The following SDK2 variants were observed in gnomAD, a reference collection of about 807,000 sequenced individuals.
The protein encoded by SDK2 is protein sidekick-2.
A neutral mutation model predicts 253.9 loss-of-function variants in SDK2; 105 were observed. That is an observed-to-expected ratio of 0.41 (90% CI 0.35 to 0.49). The LOEUF (loss-of-function observed/expected upper bound fraction) is 0.49. Among genes scored for constraint, SDK2 ranks in the 20% least tolerant of loss-of-function variants. The pLI is 0.06. For synonymous variants in SDK2, 1,249 were observed against 1,234.9 expected (o/e 1.01, Z -0.24); for missense variants, 2,608 against 3,003.0 (o/e 0.87, Z 3.07).
rs75869199 is a variant in SDK2 at position 73,631,225 on chromosome 17, C to T, written c.64+12800G>A. On this transcript the variant is annotated intron_variant, in intron 1 of 44. Coordinates refer to ENST00000392650, the MANE Select transcript of SDK2 (RefSeq NM_001144952.2). ...AGCCCAGCTAATGAGGAACTCCCCT[C>T]GGCCCTCCTTGGCAGCCCAGGCCCC... is the stretch of plus-strand genomic sequence containing the variant. 8.2e-3 allele frequency among the ~76,000 whole-genome samples: 1,245 copies of T among 152,330 alleles called. 22 individuals are homozygous for T. The highest frequency in any genetic ancestry group is 0.028 in the African/African-American group (1,174 of 41,572).
chr17:73,537,343 C>T (rs1239080187), intron 1 of SDK2, among the ~76,000 whole-genome samples: 3 of 152,208 alleles, frequency 2.0e-5, no homozygotes, highest in South Asian at 4.2e-4. Context: ...CTGCCGATTT[C>T]GCTTTGGGGC....
Position 73,541,056 on chromosome 17 carries a change from C to T in SDK2, c.65-33459G>A, listed in dbSNP as rs946698921. On this transcript the variant is annotated intron_variant, in intron 1 of 44. Coordinates refer to ENST00000392650, the MANE Select transcript of SDK2 (RefSeq NM_001144952.2). This position sits in a 1 kb window ranked among gnomAD's most constrained non-coding sequence, Gnocchi z 4.3. ...AGCTGCCAATGGTAAGCTGCTAGGCCCCCTGAGAGTAGGTGTCTGCCAGTG... is the reference window on the plus strand; with the variant it reads ...AGCTGCCAATGGTAAGCTGCTAGGCTCCCTGAGAGTAGGTGTCTGCCAGTG... 3.9e-5 allele frequency among the ~76,000 whole-genome samples: 6 copies of T among 152,210 alleles called. No homozygotes were observed. The highest frequency in any genetic ancestry group is 1.4e-4 in the African/African-American group (6 of 41,452).
rs191915090 is a variant in SDK2 at position 73,443,837 on chromosome 17, G to A, written c.614-2914C>T. On this transcript the variant is annotated intron_variant, in intron 5 of 44. Coordinates refer to ENST00000392650, the MANE Select transcript of SDK2 (RefSeq NM_001144952.2). The surrounding 1 kb of genome is among the most constrained non-coding windows in gnomAD (Gnocchi z 4.6). ...ATGAAAGTCACTACCTCTCAGGGTT[G>A]TATGAATTCAGGCCCCAGCTCAACA... 4.3e-4 allele frequency among the ~76,000 whole-genome samples: 65 copies of A among 152,282 alleles called. No homozygotes were observed. The highest frequency in any genetic ancestry group is 1.4e-3 in the African/African-American group (58 of 41,548).
intron 1 of SDK2, among the ~76,000 whole-genome samples, chr17:73,607,368 C>T (rs790097): frequency 0.2 from 29,776 of 152,106 alleles, 4,728 homozygotes; most frequent in African/African-American, 0.45. Context: ...GAGGCCCACA[C>T]GCACTCATTT....
At chr17:73,345,156 T>C (rs2062472015) in intron 44 of SDK2, among the ~76,000 whole-genome samples, 1 of 152,084 alleles carries the variant, frequency 6.6e-6, no homozygotes. Flanking sequence ...CCGTCTTTAC[T>C]AAAAATACAA....
At chr17:73,571,070 G>T (rs1323579232) in intron 1 of SDK2, among the ~76,000 whole-genome samples, 19 of 147,046 alleles carry the variant, frequency 1.3e-4, no homozygotes, top group Non-Finnish European at 1.5e-5. Context: ...GGTGGCTCGG[G>T]TTTTTTTTTT....
At chr17:73,375,761 T>C (rs1257887432) in intron 36 of SDK2, among the ~76,000 whole-genome samples, 6 of 144,090 alleles carry the variant, frequency 4.2e-5, no homozygotes, top group Admixed American at 3.5e-4. Flanking sequence ...GAGGCTGAGG[T>C]GGGAGAATCA....
At chr17:73,605,719 A>G (rs2045898845) in intron 1 of SDK2, among the ~76,000 whole-genome samples, 1 of 151,868 alleles carries the variant, frequency 6.6e-6, no homozygotes, top group Admixed American at 6.6e-5. Flanking sequence ...TGGCACCGGG[A>G]TGACCTGTTT....
At chr17:73,509,501 C>A (rs1363913956) in intron 1 of SDK2, among the ~76,000 whole-genome samples, 4 of 151,680 alleles carry the variant, frequency 2.6e-5, no homozygotes, top group Non-Finnish European at 5.9e-5. Flanking sequence ...AGAAATGGAA[C>A]AAACCAGGCT....
At chr17:73,628,144 G>T (rs2046226078) in intron 1 of SDK2, among the ~76,000 whole-genome samples, 1 of 152,254 alleles carries the variant, frequency 6.6e-6, no homozygotes, top group African/African-American at 2.4e-5. Context: ...TCTGGCCAAG[G>T]TCATTTAGCC....
intron 44 of SDK2, among the ~76,000 whole-genome samples, chr17:73,342,094 C>A (rs978033093): frequency 3.9e-5 from 6 of 151,918 alleles, no homozygotes; most frequent in Middle Eastern, 3.2e-3. Context: ...CCCAAACCCC[C>A]CACCCCGACT....
chr17:73,526,916 T>C (rs1415325823), intron 1 of SDK2, among the ~76,000 whole-genome samples: 4 of 152,258 alleles, frequency 2.6e-5, no homozygotes, highest in African/African-American at 7.2e-5. Context: ...ACTTGTCTTG[T>C]TGACCTTTCC....
chr17:73,433,554 G>A (rs933857334), intron 10 of SDK2, among the ~76,000 whole-genome samples, 178 bp downstream of exon 10: 4 of 152,292 alleles, frequency 2.6e-5, no homozygotes, highest in South Asian at 4.2e-4. Flanking sequence ...CTCCCAAGAT[G>A]CTGGGATTAT....
intron 40 of SDK2, among the ~76,000 whole-genome samples, chr17:73,356,540 C>T (rs1228483069): frequency 1.3e-5 from 2 of 151,980 alleles, no homozygotes; most frequent in African/African-American, 4.8e-5. Flanking sequence ...AATTCAAGGG[C>T]AAATGTATGA....
chr17:73,579,018 G>A (rs374884231), intron 1 of SDK2, among the ~76,000 whole-genome samples: 1 of 152,078 alleles, frequency 6.6e-6, no homozygotes, highest in African/African-American at 2.4e-5. Context: ...TGTCGGCCGG[G>A]TCAGGGACCC....
chr17:73,400,384 T>C (rs200982162), intron 21 of SDK2, among the ~76,000 whole-genome samples: 1 of 152,096 alleles, frequency 6.6e-6, no homozygotes, highest in East Asian at 1.9e-4. Context: ...AGTGGGAAAT[T>C]TTCCCCTGAA....
At chr17:73,341,243 T>C (rs1285863427) in intron 44 of SDK2, among the ~76,000 whole-genome samples, 1 of 151,136 alleles carries the variant, frequency 6.6e-6, no homozygotes, top group Non-Finnish European at 1.5e-5. Flanking sequence ...TTTTTTTTTT[T>C]TTTTTGACAC....
Position 73,387,901 on chromosome 17 carries a change from G to A in SDK2, c.4329C>T (p.Pro1443=). 1 of 1,592,692 alleles carries A rather than the reference G, an allele frequency of 6.3e-7. No homozygotes were observed. Residue 1443 remains proline (P), a synonymous_variant, in exon 30 of 45, where the codon CCC becomes CCT. Transcript: ENST00000392650. ...CCGAGTGCAGTGCCCACCTGCCGCT[G>A]GGCAGCTCGCGGGTCTGGATGGTGT... ...RYYTIQTREL[P]SGRWALHSAS...
chr17:73,350,728 G>C lies in SDK2; in HGVS notation c.5821C>G (p.Leu1941Val), dbSNP rs1173065634. ...AAGACCAGAAGCAGGATGAAGATGA[G>C]GCCGACCAGGGCAATGACCACCAAG... ...WFLVVIALVG[L>V]IFILLLVFVL... Residue 1941 changes from leucine to valine, a missense_variant, in exon 42 of 45, where the codon CTC (leucine) becomes GTC (valine). By Grantham distance (32) the Leu-to-Val change is conservative. Around this residue, in one of 2 missense-constraint regions of SDK2, gnomAD observed 1,103 missense variants for 1,143.9 expected, o/e 0.96. Coordinates refer to ENST00000392650, the MANE Select transcript of SDK2 (RefSeq NM_001144952.2). 1.9e-6 allele frequency: 3 copies of C among 1,613,374 alleles called. No homozygotes were observed. The highest frequency in any genetic ancestry group is 1.7e-6 in the Non-Finnish European group (2 of 1,179,782).
Sources: allele counts gnomAD v4.1 joint callset (sites outside exome capture counted in the v4.1 genomes callset), GRCh38; gene constraint gnomAD v4.1.1; regional missense constraint gnomAD v4.1.1; non-coding constraint Gnocchi (gnomAD v3.1); transcripts MANE v1.5; gene names NCBI Gene and HGNC (gene_info 2026-07-23, HGNC 2026-07-21).